PAK4: variants seen among roughly 807,000 people sequenced by gnomAD.
PAK4 encodes serine/threonine-protein kinase PAK 4.
A neutral mutation model predicts 53.5 loss-of-function variants in PAK4; 49 were observed. The ratio of observed to expected loss-of-function variants is 0.92; its 90% confidence interval spans 0.73 to 1.16. The LOEUF is 1.16. Among genes scored for constraint, PAK4 ranks in the 50% most tolerant of loss-of-function variants. The pLI is 0.00. For missense variants in PAK4, 824 were observed against 850.7 expected (o/e 0.97, Z 0.39); for synonymous variants, 376 against 375.6 (o/e 1.00, Z -0.01).
chr19:39,135,457 C>T (rs974954793), intron 1 of PAK4, among the ~76,000 whole-genome samples: 4 of 151,126 alleles, frequency 2.6e-5, no homozygotes, highest in East Asian at 2.0e-4. Context: ...TCCCTCACCC[C>T]CTCAAGTAGC....
chr19:39,164,911 A>G (rs754042193), intron 1 of PAK4, among the ~76,000 whole-genome samples: 5 of 152,004 alleles, frequency 3.3e-5, no homozygotes, highest in Non-Finnish European at 7.4e-5. Context: ...GCTGAGCCTC[A>G]GGCCACATTT....
chr19:39,128,285 C>T (rs2073629066), intron 1 of PAK4, among the ~76,000 whole-genome samples: 1 of 152,192 alleles, frequency 6.6e-6, no homozygotes, highest in Non-Finnish European at 1.5e-5. Context: ...GCTGCTGCTG[C>T]CACCCCACCA....
rs183911599 is a variant in PAK4, at chr19:39,144,215, T to C, written c.-23+18296T>C. ...ATAGATATGGTTAAGTGAGTGGACT[T>C]TGGTCCTGGTCAGACTTGCCACGGA... On this transcript the variant is annotated intron_variant, in intron 1 of 8. Coordinates refer to ENST00000358301, the Ensembl canonical transcript of PAK4. 5.9e-5 allele frequency among the ~76,000 whole-genome samples: 9 copies of C among 152,250 alleles called. No homozygotes were observed. The East Asian group carries it at 1.5e-3, about 26-fold the overall frequency.
chr19:39,180,921 A>G (rs2074693720), downstream of PAK4: 1 of 151,944 alleles, frequency 6.6e-6, no homozygotes, highest in South Asian at 2.1e-4. Context: ...GTGCCCGGCG[A>G]CCCCACGGGC....
At position 39,138,278 on chromosome 19, in the gene PAK4, C is replaced by T. The variant is rs538987283; in HGVS notation, c.-23+12359C>T. 9.9e-5 allele frequency among the ~76,000 whole-genome samples: 15 copies of T among 152,194 alleles called. No homozygotes were observed. In the East Asian group the frequency reaches 2.5e-3, roughly 25 times the overall value. On this transcript the variant is annotated intron_variant, in intron 1 of 8. Coordinates refer to ENST00000358301, the Ensembl canonical transcript of PAK4. ...ATGTTGCCCAGGCTAGTCTCAAACT[C>T]CTGAGCTCAAGCCAGCTGCCCGCCT...
At chr19:39,140,461 C>G (rs528664589) in intron 1 of PAK4, among the ~76,000 whole-genome samples, 4 of 152,370 alleles carry the variant, frequency 2.6e-5, no homozygotes, top group African/African-American at 9.6e-5. Flanking sequence ...TTGACTCTGA[C>G]ATGCCCTGTG....
intron 1 of PAK4, among the ~76,000 whole-genome samples, chr19:39,165,515 A>AAAAT (rs57100878): frequency 0.013 from 1,800 of 135,052 alleles, 16 homozygotes; most frequent in African/African-American, 0.027. Flanking sequence ...ACTCCCTCTC[A>AAAAT]AAATAAATAA....
At chr19:39,150,036 A>T (rs1028808609) in intron 1 of PAK4, among the ~76,000 whole-genome samples, 1 of 152,212 alleles carries the variant, frequency 6.6e-6, no homozygotes, top group East Asian at 1.9e-4. Context: ...TTGTGGATAT[A>T]TTTAATGCCA....
At chr19:39,179,002 T>C (rs13228) in exon 9 of PAK4, 46,111 of 154,106 alleles carry the variant, frequency 0.3, 7,265 homozygotes, top group Middle Eastern at 0.38. Flanking sequence ...TCCTCCAGCC[T>C]GCAAGGGGTG....
intron 2 of PAK4, among the ~76,000 whole-genome samples, chr19:39,172,050 G>A (rs960293888): frequency 6.6e-6 from 1 of 152,226 alleles, no homozygotes; most frequent in African/African-American, 2.4e-5. Context: ...GGCAGGGCAG[G>A]GGCCGGGGAG....
chr19:39,128,617 A>G (rs1389785056), intron 1 of PAK4, among the ~76,000 whole-genome samples: 1 of 152,212 alleles, frequency 6.6e-6, no homozygotes, highest in African/African-American at 2.4e-5. Context: ...TAGGGGAAAA[A>G]GGGCTTTCAG....
chr19:39,135,904 C>A (rs1254968900), intron 1 of PAK4, among the ~76,000 whole-genome samples: 1 of 151,220 alleles, frequency 6.6e-6, no homozygotes, highest in Admixed American at 6.6e-5. Flanking sequence ...CTCTTGCCCC[C>A]CCGCCACATC....
intron 1 of PAK4, among the ~76,000 whole-genome samples, chr19:39,126,130 G>A (rs1000517759): frequency 6.6e-6 from 1 of 152,070 alleles, no homozygotes; most frequent in Non-Finnish European, 1.5e-5. Context: ...GCGAAGGGGA[G>A]TGCAAAGTTT....
chr19:39,138,344 TAATGGGCATCCA>T (rs916282984), intron 1 of PAK4, among the ~76,000 whole-genome samples: 12 of 152,200 alleles, frequency 7.9e-5, no homozygotes, highest in African/African-American at 2.9e-4. Context: ...TGAGCCACTG[TAATGGGCATCCA>T]GCCCATTCTT....
chr19:39,145,853 G>C (rs185565702), intron 1 of PAK4, among the ~76,000 whole-genome samples: 140 of 151,830 alleles, frequency 9.2e-4, no homozygotes, highest in African/African-American at 3.2e-3. Context: ...TTCTTGGAGA[G>C]GCCCTCTGGC....
At chr19:39,140,559 T>G (rs1374566830) in intron 1 of PAK4, among the ~76,000 whole-genome samples, 1 of 152,212 alleles carries the variant, frequency 6.6e-6, no homozygotes, top group Non-Finnish European at 1.5e-5. Context: ...CGGTCAGTAG[T>G]TTAATTGCAA....
chr19:39,144,171 TAGATAGATAGA>T (rs2073962008), intron 1 of PAK4, among the ~76,000 whole-genome samples: 3 of 113,870 alleles, frequency 2.6e-5, no homozygotes, highest in Non-Finnish European at 3.7e-5. Context: ...TTAGATTAGA[TAGATAGATAGA>T]TAGATAGATA....
chr19:39,143,592 CAAAAAAAAAAAAAA>C (rs544304301), intron 1 of PAK4, among the ~76,000 whole-genome samples: 12 of 20,440 alleles, frequency 5.9e-4, no homozygotes, highest in South Asian at 4.5e-3. Flanking sequence ...GACTCTGTCT[CAAAAAAAAAAAAAA>C]AAAAAAAAAA....
At chr19:39,144,013 C>T (rs2073955601) in intron 1 of PAK4, among the ~76,000 whole-genome samples, 3 of 152,096 alleles carry the variant, frequency 2.0e-5, no homozygotes, top group African/African-American at 7.2e-5. Context: ...TGCACCACTA[C>T]ACTCCAGCCT....
Sources: gnomAD v4.1 joint callset for allele counts (sites outside exome capture counted in the v4.1 genomes callset) on GRCh38, gnomAD v4.1.1 for gene constraint, MANE v1.5 for transcripts, NCBI Gene and HGNC (gene_info 2026-07-23, HGNC 2026-07-21) for gene names.